Variants in ADD1 observed in about 807,000 individuals in gnomAD.
The protein encoded by ADD1 is adducin 1, also known as alpha-adducin.
In ADD1, 24 loss-of-function variants were observed where a neutral mutation model predicts 80.5. That is an observed-to-expected ratio of 0.30 (90% CI 0.22 to 0.42). ADD1 has a LOEUF of 0.42. Among genes scored for constraint, ADD1 ranks in the 10% least tolerant of loss-of-function variants. ADD1 has a pLI of 1.00. For synonymous variants in ADD1, 373 were observed against 393.8 expected (o/e 0.95, Z 0.63); for missense variants, 948 against 1,019.0 (o/e 0.93, Z 0.95).
chr4:2,911,813 T>A (rs1176986497), intron 13 of ADD1, among the ~76,000 whole-genome samples: 1 of 152,016 alleles, frequency 6.6e-6, no homozygotes, highest in African/African-American at 2.4e-5. Flanking sequence ...AATGAAGGAT[T>A]AGAGATGAAG....
At chr4:2,860,583 A>G (rs958862842) in intron 1 of ADD1, among the ~76,000 whole-genome samples, 4 of 152,234 alleles carry the variant, frequency 2.6e-5, no homozygotes, top group Admixed American at 6.5e-5. Flanking sequence ...TTGTTCTTCC[A>G]TATGTATTAA....
intron 1 of ADD1, among the ~76,000 whole-genome samples, chr4:2,875,084 C>T (rs1008394956): frequency 3.9e-5 from 6 of 152,048 alleles, no homozygotes; most frequent in African/African-American, 1.4e-4. Context: ...AAAAAATTCG[C>T]CGGGCATGGC....
At chr4:2,923,865 C>T (rs565188464) in intron 14 of ADD1, among the ~76,000 whole-genome samples, 1 of 152,368 alleles carries the variant, frequency 6.6e-6, no homozygotes, top group Admixed American at 6.5e-5. Flanking sequence ...CGTGGCCGAG[C>T]CCTGATTTGG....
At chr4:2,882,152 G>T in intron 3 of ADD1, 92 bp downstream of exon 3, 1 of 1,200,980 alleles carries the variant, frequency 8.3e-7, no homozygotes, top group South Asian at 1.7e-5. Flanking sequence ...GCATTTAACT[G>T]TATAACATAA....
chr4:2,873,150 G>A (rs983416633), intron 1 of ADD1, among the ~76,000 whole-genome samples: 1 of 151,936 alleles, frequency 6.6e-6, no homozygotes, highest in Admixed American at 6.6e-5. Context: ...GTGCCCCCAC[G>A]CCCCGCTAAT....
intron 4 of ADD1, among the ~76,000 whole-genome samples, chr4:2,890,709 C>T (rs1036267725): frequency 2.6e-5 from 4 of 152,008 alleles, no homozygotes; most frequent in Non-Finnish European, 4.4e-5. Context: ...TGCCTGGCCA[C>T]TAGAATTATT....
At chr4:2,852,174 C>CTT (rs1560137933) in intron 1 of ADD1, among the ~76,000 whole-genome samples, 1 of 72,690 alleles carries the variant, frequency 1.4e-5, no homozygotes, top group African/African-American at 6.2e-5. Context: ...TTCTTTCTTT[C>CTT]TTTCTTTCTT....
intron 1 of ADD1, among the ~76,000 whole-genome samples, chr4:2,858,997 T>C (rs901747762): frequency 3.3e-5 from 5 of 152,176 alleles, no homozygotes; most frequent in African/African-American, 1.2e-4. Flanking sequence ...GCCTATGAAG[T>C]GATCGTAGGG....
rs1257899104 is a variant in ADD1 at position 2,929,407 on chromosome 4, G to A, written c.*884G>A. On this transcript the variant is annotated 3_prime_UTR_variant, in exon 16 of 16. Transcript: ENST00000683351. The stretch of plus-strand genomic sequence containing the variant: ...GTTCTCACCTTAACTCAGCCAGAAA[G>A]ATGCCCTAGTTGTGATCAAAGGTAA... The A allele has an allele frequency of 6.6e-6, 1 of 152,322 alleles. No individual in the cohort carries two copies. The highest frequency in any genetic ancestry group is 1.5e-5 in the Non-Finnish European group (1 of 68,096). The allele number at this position is 152,322 out of a possible 1,614,324, so 9.4% of individuals were successfully genotyped here.
chr4:2,908,723 C>G (rs561032390), intron 12 of ADD1, 119 bp downstream of exon 12: 35 of 841,114 alleles, frequency 4.2e-5, no homozygotes, highest in Middle Eastern at 4.5e-4. Context: ...CAACCAGTTA[C>G]CTTTGTTAAA....
chr4:2,908,507 A>G lies in ADD1; in HGVS notation c.1609-8A>G, dbSNP rs758302229. The G allele has an allele frequency of 3.1e-6, 5 of 1,613,368 alleles. No homozygotes were observed. Among genetic ancestry groups the G allele is most frequent in the Admixed American group, 3.3e-5 (2 of 59,998 alleles). On this transcript the variant is annotated splice_region_variant and splice_polypyrimidine_tract_variant and intron_variant, in intron 11 of 15. Coordinates refer to ENST00000683351, the MANE Select transcript of ADD1 (RefSeq NM_001354761.2). ...CTGTTGATGTGTGCCTCTCCTTCCC[A>G]CCCTCAGATCCGAGAGCAGAATTTA...
chr4:2,862,225 G>A (rs1427788676), intron 1 of ADD1, among the ~76,000 whole-genome samples: 1 of 152,212 alleles, frequency 6.6e-6, no homozygotes, highest in Non-Finnish European at 1.5e-5. Context: ...AGTGGGAGCA[G>A]CTGTGCCAGA....
At chr4:2,858,314 T>C (rs1728364155) in intron 1 of ADD1, among the ~76,000 whole-genome samples, 1 of 152,238 alleles carries the variant, frequency 6.6e-6, no homozygotes, top group Non-Finnish European at 1.5e-5. Context: ...TACCTTGTGC[T>C]AAACACTTGA....
chr4:2,869,771 C>T (rs1730134262), intron 1 of ADD1, among the ~76,000 whole-genome samples: 1 of 152,106 alleles, frequency 6.6e-6, no homozygotes, highest in Admixed American at 6.6e-5. Context: ...TATTATGCGC[C>T]AGGAGTTAGT....
chr4:2,859,102 C>G (rs1379675113), intron 1 of ADD1, among the ~76,000 whole-genome samples: 2 of 152,128 alleles, frequency 1.3e-5, no homozygotes, highest in Non-Finnish European at 2.9e-5. Context: ...AGCTGGAAAA[C>G]ATACCATTCA....
At chr4:2,918,834 T>C (rs1053404067) in intron 14 of ADD1, among the ~76,000 whole-genome samples, 2 of 151,848 alleles carry the variant, frequency 1.3e-5, no homozygotes, top group African/African-American at 4.8e-5. Flanking sequence ...TTGCATATGG[T>C]TTTTTTGTTA....
rs181793211 is a variant in ADD1, at chr4:2,846,685, A to G, written c.-21+2661A>G. 1.1e-3 allele frequency among the ~76,000 whole-genome samples: 175 copies of G among 152,204 alleles called. 1 individual carries two copies. The highest frequency in any genetic ancestry group is 3.7e-3 in the Admixed American group (57 of 15,278). ...CGCTAATATCCTTCAAAAGTAGCCA[A>G]TGAAGCTGGGCATGCTAGGATGGGC... On this transcript the variant is annotated intron_variant, in intron 1 of 15. Coordinates refer to ENST00000683351, the MANE Select transcript of ADD1 (RefSeq NM_001354761.2).
chr4:2,888,834 TGTA>T (rs1265717606), intron 4 of ADD1, among the ~76,000 whole-genome samples: 8 of 152,138 alleles, frequency 5.3e-5, no homozygotes, highest in African/African-American at 1.7e-4. Context: ...ACAAAGATCA[TGTA>T]GAACAAGTGA....
chr4:2,864,021 C>T (rs1007734896), intron 1 of ADD1, among the ~76,000 whole-genome samples: 1 of 152,228 alleles, frequency 6.6e-6, no homozygotes, highest in African/African-American at 2.4e-5. Context: ...GTTTGGTTAA[C>T]TTACTGTCTC....
Sources: allele counts gnomAD v4.1 joint callset (sites outside exome capture counted in the v4.1 genomes callset), GRCh38; gene constraint gnomAD v4.1.1; transcripts MANE v1.5; gene names NCBI Gene and HGNC (gene_info 2026-07-23, HGNC 2026-07-21).